Variants in LRRC4C observed in about 807,000 individuals in gnomAD.
LRRC4C encodes the protein leucine-rich repeat-containing protein 4C.
In LRRC4C, 5 loss-of-function variants were observed where a neutral mutation model predicts 33.6. The observed-to-expected ratio is 0.15, with a 90% confidence interval of 0.08 to 0.31. The LOEUF is 0.31. Ranked by LOEUF, LRRC4C falls within the 10% of genes least tolerant of loss-of-function variation. The pLI is 1.00. For missense variants in LRRC4C, 560 were observed against 796.7 expected (o/e 0.70, Z 3.58); for synonymous variants, 329 against 302.0 (o/e 1.09, Z -0.93).
chr11:40,553,104 C>A (rs1352014969), intron 3 of LRRC4C, among the ~76,000 whole-genome samples: 1 of 152,078 alleles, frequency 6.6e-6, no homozygotes, highest in Non-Finnish European at 1.5e-5. Flanking sequence ...AACCCTGTCT[C>A]TACTAAAAAT....
chr11:41,061,518 G>C (rs950262081), intron 1 of LRRC4C, among the ~76,000 whole-genome samples: 2 of 152,152 alleles, frequency 1.3e-5, no homozygotes, highest in African/African-American at 4.8e-5. Flanking sequence ...TGGGGGTGAG[G>C]GGAGGGAATC....
intron 2 of LRRC4C, among the ~76,000 whole-genome samples, chr11:40,832,212 A>G (rs1591830253): frequency 6.6e-6 from 1 of 152,108 alleles, no homozygotes; most frequent in East Asian, 1.9e-4. Context: ...TTGTTCATCT[A>G]AACATATCTA....
chr11:40,495,493 C>G (rs1565445495), intron 3 of LRRC4C, among the ~76,000 whole-genome samples: 1 of 152,072 alleles, frequency 6.6e-6, no homozygotes, highest in East Asian at 1.9e-4. Flanking sequence ...ACAGTAAAAT[C>G]AGAGGGTTTA....
At chr11:41,413,934 T>C (rs1449839920) in intron 1 of LRRC4C, among the ~76,000 whole-genome samples, 9 of 152,126 alleles carry the variant, frequency 5.9e-5, no homozygotes, top group Non-Finnish European at 1.2e-4. Flanking sequence ...ACTTGGAGCC[T>C]CCTAGCAATG....
chr11:41,293,933 C>A (rs1310035128), intron 1 of LRRC4C, among the ~76,000 whole-genome samples: 1 of 152,114 alleles, frequency 6.6e-6, no homozygotes, highest in Non-Finnish European at 1.5e-5. Context: ...CATGCTGATA[C>A]ACATATGTGC....
At chr11:40,726,038 A>G (rs1042732647) in intron 2 of LRRC4C, among the ~76,000 whole-genome samples, 3 of 152,176 alleles carry the variant, frequency 2.0e-5, no homozygotes, top group Non-Finnish European at 4.4e-5. Context: ...ACCAGAAAAT[A>G]TAGAGGAAAT....
At chr11:40,165,608 G>A (rs1055600685) in intron 5 of LRRC4C, among the ~76,000 whole-genome samples, 4 of 152,160 alleles carry the variant, frequency 2.6e-5, no homozygotes, top group Non-Finnish European at 5.9e-5. Context: ...TTGGTAACCT[G>A]CTTCAGTTCT....
chr11:40,792,131 G>C (rs538191011), intron 2 of LRRC4C, among the ~76,000 whole-genome samples: 1 of 152,162 alleles, frequency 6.6e-6, no homozygotes, highest in African/African-American at 2.4e-5. Context: ...TGTGGCCAAA[G>C]ACATTATAGA....
chr11:41,388,066 T>C (rs1350651377), intron 1 of LRRC4C, among the ~76,000 whole-genome samples: 18 of 151,880 alleles, frequency 1.2e-4, no homozygotes, highest in Admixed American at 1.2e-3. Flanking sequence ...TTGAAATATA[T>C]TATTTTTTAC....
intron 2 of LRRC4C, among the ~76,000 whole-genome samples, chr11:40,816,266 C>T (rs1340995587): frequency 6.6e-6 from 1 of 152,194 alleles, no homozygotes; most frequent in Non-Finnish European, 1.5e-5. Context: ...AAAAGCTTGA[C>T]AATAGCTCCA....
chr11:40,836,096 T>C (rs775719225), intron 2 of LRRC4C, among the ~76,000 whole-genome samples: 4 of 152,092 alleles, frequency 2.6e-5, no homozygotes, highest in Non-Finnish European at 4.4e-5. Context: ...ATCACGAAAA[T>C]AGCACACTTA....
At chr11:40,343,710 T>TAAA (rs1491285382) in intron 3 of LRRC4C, among the ~76,000 whole-genome samples, 1 of 33,904 alleles carries the variant, frequency 2.9e-5, no homozygotes, top group Non-Finnish European at 7.1e-5. Flanking sequence ...GTTGTTTTTT[T>TAAA]GAAAAAAAAA....
intron 1 of LRRC4C, among the ~76,000 whole-genome samples, chr11:40,950,262 C>G (rs1958635157): frequency 6.6e-6 from 1 of 151,894 alleles, no homozygotes; most frequent in Non-Finnish European, 1.5e-5. Flanking sequence ...TTTCTACAAC[C>G]CATTCTACTG....
intron 3 of LRRC4C, among the ~76,000 whole-genome samples, chr11:40,392,706 A>G (rs1166736539): frequency 6.6e-6 from 1 of 152,152 alleles, no homozygotes; most frequent in Non-Finnish European, 1.5e-5. Flanking sequence ...TAGCATCTGT[A>G]TTTATTGTCC....
In LRRC4C at chr11:41,278,275, A is replaced by C. The variant is rs560239064; in HGVS notation, c.-496+181156T>G. 2.6e-5 allele frequency among the ~76,000 whole-genome samples: 4 copies of C among 151,510 alleles called. No homozygotes were observed. In the South Asian group the frequency reaches 8.4e-4, roughly 32 times the overall value. The stretch of plus-strand genomic sequence containing the variant: ...CCATTCCACAACATGTATACAGTAC[A>C]TCACTTAACATCATTCATAGGATCT... On this transcript the variant is annotated intron_variant, in intron 1 of 6. Transcript: ENST00000528697.
intron 3 of LRRC4C, among the ~76,000 whole-genome samples, chr11:40,380,856 G>T (rs1025676366): frequency 6.6e-6 from 1 of 152,166 alleles, no homozygotes; most frequent in Non-Finnish European, 1.5e-5. Flanking sequence ...AATGAAATAT[G>T]TGTTCACACA....
intron 5 of LRRC4C, among the ~76,000 whole-genome samples, chr11:40,185,832 G>A (rs1030942662): frequency 4.6e-5 from 7 of 152,148 alleles, no homozygotes; most frequent in South Asian, 2.1e-4. Context: ...GTCCCTGGAC[G>A]TCTCAGAAAG....
chr11:40,514,855 G>C (rs569907211), intron 3 of LRRC4C, among the ~76,000 whole-genome samples: 47 of 151,920 alleles, frequency 3.1e-4, no homozygotes, highest in Non-Finnish European at 5.9e-4. Context: ...AGAGAAAAAA[G>C]CCACAATTTC....
intron 6 of LRRC4C, among the ~76,000 whole-genome samples, chr11:40,134,822 T>C (rs1856863001): frequency 6.6e-6 from 1 of 152,216 alleles, no homozygotes; most frequent in Admixed American, 6.5e-5. Flanking sequence ...CCTACAACTT[T>C]GGAGTAAGTC....
Sources: allele counts gnomAD v4.1 joint callset (sites outside exome capture counted in the v4.1 genomes callset), GRCh38; gene constraint gnomAD v4.1.1; transcripts MANE v1.5; gene names NCBI Gene and HGNC (gene_info 2026-07-23, HGNC 2026-07-21).